The following ADK variants were observed in gnomAD, a reference collection of about 807,000 sequenced individuals.
The protein encoded by ADK is adenosine kinase, also known as N6,N6-dimethyladenosine kinase.
ADK carries 24 observed loss-of-function variants against 44.7 expected under a neutral mutation model. That is an observed-to-expected ratio of 0.54 (90% CI 0.39 to 0.76). The LOEUF (loss-of-function observed/expected upper bound fraction) is 0.76. Ranked by LOEUF, ADK falls within the 30% of genes least tolerant of loss-of-function variation. The probability of loss-of-function intolerance (pLI) is 0.00; values close to 1 mark genes in which losing one functional copy is unlikely to be tolerated. For synonymous variants in ADK, 128 were observed against 142.6 expected (o/e 0.90, Z 0.73); for missense variants, 321 against 425.1 (o/e 0.76, Z 2.15).
intron 4 of ADK, among the ~76,000 whole-genome samples, chr10:74,330,614 A>G (rs554443231): frequency 5.7e-4 from 87 of 152,176 alleles, no homozygotes; most frequent in African/African-American, 2.0e-3. Flanking sequence ...CTTCCATATT[A>G]TTTTTTCTTG....
intron 6 of ADK, among the ~76,000 whole-genome samples, chr10:74,430,219 T>C (rs1031726148): frequency 4.6e-5 from 7 of 152,132 alleles, no homozygotes; most frequent in Non-Finnish European, 7.3e-5. Flanking sequence ...TACAGAGAGA[T>C]CTCATGTACT....
chr10:74,689,762 A>G (rs1183627759), intron 10 of ADK, among the ~76,000 whole-genome samples: 2 of 152,212 alleles, frequency 1.3e-5, no homozygotes, highest in Non-Finnish European at 2.9e-5. Flanking sequence ...CATTTTCCAC[A>G]GCTTCTTTAC....
At chr10:74,404,410 C>T (rs1843834262) in intron 6 of ADK, among the ~76,000 whole-genome samples, 1 of 152,102 alleles carries the variant, frequency 6.6e-6, no homozygotes, top group Non-Finnish European at 1.5e-5. Context: ...CATCTGGTAT[C>T]ATTTTCCTTC....
At chr10:74,650,403 ACT>A (rs1447066180) in intron 9 of ADK, among the ~76,000 whole-genome samples, 1 of 152,044 alleles carries the variant, frequency 6.6e-6, no homozygotes, top group Non-Finnish European at 1.5e-5. Flanking sequence ...ACAGAGTGAG[ACT>A]CTGTCTCAAA....
At chr10:74,580,972 C>G (rs2133894408) in intron 7 of ADK, among the ~76,000 whole-genome samples, 1 of 151,612 alleles carries the variant, frequency 6.6e-6, no homozygotes, top group Middle Eastern at 3.4e-3. Context: ...GATTTTGAGG[C>G]CAGCCTGTGC....
intron 7 of ADK, among the ~76,000 whole-genome samples, chr10:74,570,437 T>C (rs978447873): frequency 6.6e-6 from 1 of 152,138 alleles, no homozygotes; most frequent in African/African-American, 2.4e-5. Flanking sequence ...GTTTGTATCC[T>C]CTTTTATTTC....
chr10:74,702,399 G>A (rs1789440545), intron 10 of ADK, among the ~76,000 whole-genome samples: 2 of 151,852 alleles, frequency 1.3e-5, no homozygotes, highest in South Asian at 2.1e-4. Context: ...GACCAGGCTG[G>A]TCTTGAACTC....
At chr10:74,540,308 A>AT (rs1420565665) in intron 7 of ADK, among the ~76,000 whole-genome samples, 1 of 152,040 alleles carries the variant, frequency 6.6e-6, no homozygotes, top group African/African-American at 2.4e-5. Flanking sequence ...ATGCCTTTCT[A>AT]TTTTATTCAC....
intron 4 of ADK, among the ~76,000 whole-genome samples, chr10:74,364,635 C>G (rs2131953749): frequency 6.6e-6 from 1 of 151,688 alleles, no homozygotes; most frequent in African/African-American, 2.4e-5. Flanking sequence ...CCTACTCTTA[C>G]AGCTCTTCTA....
chr10:74,455,917 T>G (rs963006604), intron 6 of ADK, among the ~76,000 whole-genome samples: 1 of 152,180 alleles, frequency 6.6e-6, no homozygotes, highest in Non-Finnish European at 1.5e-5. Context: ...CCTTTCTCTT[T>G]GGCTGCGCTT....
intron 3 of ADK, among the ~76,000 whole-genome samples, chr10:74,292,300 G>A (rs1347878966): frequency 6.6e-6 from 1 of 152,136 alleles, no homozygotes; most frequent in African/African-American, 2.4e-5. Context: ...CCTGCATGTG[G>A]TAGTCGGTGT....
chr10:74,594,138 A>G (rs1851812754), intron 8 of ADK, among the ~76,000 whole-genome samples: 1 of 150,966 alleles, frequency 6.6e-6, no homozygotes, highest in African/African-American at 2.4e-5. Flanking sequence ...TTGAACAATG[A>G]GAACACATGG....
intron 3 of ADK, among the ~76,000 whole-genome samples, chr10:74,278,608 CTTCT>C (rs1381834519): frequency 2.0e-5 from 3 of 152,054 alleles, no homozygotes; most frequent in Admixed American, 6.5e-5. Context: ...TGTAGTTAAA[CTTCT>C]TTCTTTTGGT....
At chr10:74,644,725 T>C (rs1218000694) in intron 9 of ADK, among the ~76,000 whole-genome samples, 3 of 152,240 alleles carry the variant, frequency 2.0e-5, no homozygotes, top group African/African-American at 7.2e-5. Flanking sequence ...GAGATGGGGC[T>C]TTGTATGTTG....
At chr10:74,515,032 C>T (rs1240059699) in intron 6 of ADK, among the ~76,000 whole-genome samples, 1 of 152,008 alleles carries the variant, frequency 6.6e-6, no homozygotes, top group African/African-American at 2.4e-5. Flanking sequence ...CACCATGTTG[C>T]CCAGGCTTTT....
chr10:74,199,038 G>A (rs975186894), intron 1 of ADK, among the ~76,000 whole-genome samples: 27 of 152,100 alleles, frequency 1.8e-4, no homozygotes, highest in African/African-American at 6.0e-4. Context: ...GTTACAAATC[G>A]TTCTATAAAA....
intron 7 of ADK, among the ~76,000 whole-genome samples, chr10:74,546,668 T>C (rs542083148): frequency 6.6e-6 from 1 of 152,256 alleles, no homozygotes; most frequent in East Asian, 1.9e-4. Flanking sequence ...GAAAAACTTA[T>C]TTGATATTCA....
intron 1 of ADK, among the ~76,000 whole-genome samples, chr10:74,151,584 C>G (rs10824083): frequency 0.18 from 27,868 of 152,186 alleles, 3,131 homozygotes; most frequent in African/African-American, 0.32. Context: ...AGTCGTGGCC[C>G]GCAGGGGGAC....
intron 4 of ADK, among the ~76,000 whole-genome samples, chr10:74,370,876 G>T (rs1260657467): frequency 6.6e-6 from 1 of 152,020 alleles, no homozygotes; most frequent in African/African-American, 2.4e-5. Context: ...ACCCAGGCTA[G>T]GGTAAACTTT....
Sources: allele counts gnomAD v4.1 joint callset (sites outside exome capture counted in the v4.1 genomes callset), GRCh38; gene constraint gnomAD v4.1.1; transcripts MANE v1.5; gene names NCBI Gene and HGNC (gene_info 2026-07-23, HGNC 2026-07-21).